RAB5A: variants seen among roughly 807,000 people sequenced by gnomAD.
The protein encoded by RAB5A is RAB5A, member RAS oncogene family, also known as ras-related protein Rab-5A.
A neutral mutation model predicts 25.7 loss-of-function variants in RAB5A; 8 were observed. The ratio of observed to expected loss-of-function variants is 0.31; its 90% CI spans 0.18 to 0.56. The LOEUF is 0.56. Ranked by LOEUF, RAB5A falls within the 20% of genes least tolerant of loss-of-function variation. The probability of loss-of-function intolerance (pLI) is 0.91; values close to 1 mark genes in which losing one functional copy is unlikely to be tolerated. For synonymous variants in RAB5A, 98 were observed against 89.8 expected (o/e 1.09, Z -0.52); for missense variants, 192 against 259.7 (o/e 0.74, Z 1.79).
intron 2 of RAB5A, among the ~76,000 whole-genome samples, chr3:19,972,215 C>T (rs895310580): frequency 2.3e-4 from 35 of 152,276 alleles, no homozygotes; most frequent in African/African-American, 8.2e-4. Flanking sequence ...GTGAAACAAA[C>T]GAATTTCATG....
At chr3:19,981,528 T>G (rs1241574955) in intron 5 of RAB5A, among the ~76,000 whole-genome samples, 1 of 151,812 alleles carries the variant, frequency 6.6e-6, no homozygotes, top group African/African-American at 2.4e-5. Flanking sequence ...GCAGGGGAAT[T>G]GCTTGAACCC....
intron 2 of RAB5A, among the ~76,000 whole-genome samples, chr3:19,973,236 C>T (rs1052634804): frequency 1.3e-5 from 2 of 152,110 alleles, no homozygotes; most frequent in Non-Finnish European, 2.9e-5. Context: ...GGAAACAGTC[C>T]TCCACAGATA....
chr3:19,974,045 G>C (rs997683197), intron 2 of RAB5A, among the ~76,000 whole-genome samples: 1 of 152,192 alleles, frequency 6.6e-6, no homozygotes, highest in African/African-American at 2.4e-5. Context: ...GCTAAATGTA[G>C]AAGGAAGGGA....
chr3:19,958,925 C>A (rs1344912171), intron 2 of RAB5A, among the ~76,000 whole-genome samples: 1 of 151,986 alleles, frequency 6.6e-6, no homozygotes, highest in African/African-American at 2.4e-5. Context: ...GGTGACAGAG[C>A]GAGACTCTGT....
chr3:19,969,566 C>T (rs1336192141), intron 2 of RAB5A, among the ~76,000 whole-genome samples: 1 of 152,094 alleles, frequency 6.6e-6, no homozygotes, highest in Non-Finnish European at 1.5e-5. Context: ...ATTAGGTTTG[C>T]CCCTTTGTTA....
At chr3:19,951,856 T>G (rs1559485149) in intron 2 of RAB5A, among the ~76,000 whole-genome samples, 1 of 151,848 alleles carries the variant, frequency 6.6e-6, no homozygotes, top group South Asian at 2.1e-4. Flanking sequence ...GCTCCTAAGC[T>G]GAGGGAAGAG....
At chr3:19,971,499 T>TACACTCTTGTTG (rs1426549425) in intron 2 of RAB5A, among the ~76,000 whole-genome samples, 1 of 151,956 alleles carries the variant, frequency 6.6e-6, no homozygotes, top group East Asian at 1.9e-4. Flanking sequence ...GAGACAGAGT[T>TACACTCTTGTTG]ACACTCTTGT....
intron 2 of RAB5A, among the ~76,000 whole-genome samples, chr3:19,961,944 T>A (rs1377359894): frequency 6.6e-6 from 1 of 152,220 alleles, no homozygotes; most frequent in Non-Finnish European, 1.5e-5. Flanking sequence ...AGACTTAAAA[T>A]TATTTTGTCA....
At chr3:19,951,688 C>G (rs961154249) in intron 2 of RAB5A, among the ~76,000 whole-genome samples, 4 of 102,564 alleles carry the variant, frequency 3.9e-5, no homozygotes, top group Non-Finnish European at 8.8e-5. Flanking sequence ...GTGCATGCCA[C>G]CATGCCAGGC....
rs1478054670 is a variant in RAB5A, at chr3:19,985,159, A to G, written c.*1336A>G. 4 of 472,162 alleles carry G rather than the reference A, an allele frequency of 8.5e-6. No individual in the cohort carries two copies. The highest frequency in any genetic ancestry group is 1.5e-5 in the Non-Finnish European group (4 of 270,464). The allele number at this position is 472,162 out of a possible 1,614,324, so 29.2% of individuals were successfully genotyped here. On this transcript the variant is annotated 3_prime_UTR_variant, in exon 6 of 6. Coordinates refer to ENST00000273047, the MANE Select transcript of RAB5A (RefSeq NM_004162.5). ...TATTGAGGTGCTCAGGTTGGAATAAAGTGGTATAAAAAGCAAGTATCGGCT... is the reference window on the plus strand; with the variant it reads ...TATTGAGGTGCTCAGGTTGGAATAAGGTGGTATAAAAAGCAAGTATCGGCT...
At position 19,983,669 on chromosome 3, in the gene RAB5A, G is replaced by A. The variant is rs997864990; in HGVS notation, c.533-39G>A. 6 of 1,303,210 alleles carry A rather than the reference G, an allele frequency of 4.6e-6. No individual in the cohort carries two copies. The African/African-American group carries it at 8.9e-5, about 19-fold the overall frequency. The allele number at this position is 1,303,210 out of a possible 1,614,324, so 80.7% of individuals were successfully genotyped here. On this transcript the variant is annotated intron_variant, in intron 5 of 5. Coordinates refer to ENST00000273047, the MANE Select transcript of RAB5A (RefSeq NM_004162.5). ...GCAGGTGAAACTGATATTAATATGA[G>A]TATTCAAATATTCTATTTATTTGAT... is the stretch of plus-strand genomic sequence containing the variant.
At chr3:19,951,970 G>T (rs560027177) in intron 2 of RAB5A, among the ~76,000 whole-genome samples, 1 of 152,234 alleles carries the variant, frequency 6.6e-6, no homozygotes, top group South Asian at 2.1e-4. Flanking sequence ...GTTATGGTGG[G>T]ACAGAGATGA....
rs969958420 is a variant in RAB5A at position 19,984,728 on chromosome 3, A to G, written c.*905A>G. 6.5e-6 allele frequency: 1 copy of G among 153,766 alleles called. No individual in the cohort carries two copies. Among genetic ancestry groups the G allele is most frequent in the Admixed American group, 6.5e-5 (1 of 15,292 alleles). The allele number at this position is 153,766 out of a possible 1,614,324, so 9.5% of individuals were successfully genotyped here. ...AGCTGTACTGTAAATAGGGTACTGC[A>G]TTGTAGTCTCCATATCTGTATTACT... On this transcript the variant is annotated 3_prime_UTR_variant, in exon 6 of 6. Transcript: ENST00000273047.
intron 2 of RAB5A, among the ~76,000 whole-genome samples, chr3:19,955,651 T>C (rs1330656979): frequency 6.6e-6 from 1 of 152,126 alleles, no homozygotes; most frequent in African/African-American, 2.4e-5. Context: ...CCCAACACTT[T>C]GGGAGGCTGA....
intron 2 of RAB5A, among the ~76,000 whole-genome samples, chr3:19,957,080 C>G (rs113034322): frequency 6.6e-6 from 1 of 151,644 alleles, no homozygotes; most frequent in Non-Finnish European, 1.5e-5. Flanking sequence ...TAGGCATGCA[C>G]CCCACACTTG....
intron 2 of RAB5A, among the ~76,000 whole-genome samples, chr3:19,957,091 G>C (rs1338693160): frequency 1.4e-5 from 2 of 144,886 alleles, no homozygotes; most frequent in African/African-American, 2.9e-5. Flanking sequence ...CCCACACTTG[G>C]CTAATTTTTT....
chr3:19,960,675 C>G (rs1696572450), intron 2 of RAB5A, among the ~76,000 whole-genome samples: 1 of 152,130 alleles, frequency 6.6e-6, no homozygotes, highest in African/African-American at 2.4e-5. Flanking sequence ...CTAAATTCCT[C>G]AAGATGAAAG....
chr3:19,976,009 T>A, intron 3 of RAB5A, 38 bp from the exon 4 acceptor site: 1 of 1,588,080 alleles, frequency 6.3e-7, no homozygotes, highest in Non-Finnish European at 8.5e-7. Flanking sequence ...TAACCATTTT[T>A]TGAGCCTGTG....
chr3:19,947,097 A>T lies in RAB5A; in HGVS notation c.-518A>T, dbSNP rs749509856. On this transcript the variant is annotated 5_prime_UTR_variant, in exon 1 of 6. Transcript: ENST00000273047. ...ATGATGGGAAGTGACGAAGTGGCGC[A>T]GTTCGCTGCGTGCAGCGACGTGGCG... 3 of 156,426 alleles carry T rather than the reference A, an allele frequency of 1.9e-5. No homozygotes were observed. The Admixed American group carries it at 2.0e-4, about 10-fold the overall frequency. The allele number at this position is 156,426 out of a possible 1,614,324, so 9.7% of individuals were successfully genotyped here. A position where few individuals can be genotyped will look rare whatever the true frequency, so the allele number is the denominator to read the frequency against.
Sources: gnomAD v4.1 joint callset for allele counts (sites outside exome capture counted in the v4.1 genomes callset) on GRCh38, gnomAD v4.1.1 for gene constraint, MANE v1.5 for transcripts, NCBI Gene and HGNC (gene_info 2026-07-23, HGNC 2026-07-21) for gene names.